PEX5L: variants seen among roughly 807,000 people sequenced by gnomAD.
The protein encoded by PEX5L is PEX5-related protein.
A neutral mutation model predicts 84.0 loss-of-function variants in PEX5L; 30 were observed. The ratio of observed to expected loss-of-function variants is 0.36; its 90% CI spans 0.27 to 0.48. The LOEUF (loss-of-function observed/expected upper bound fraction) is 0.48, where lower values mean the gene tolerates loss of function less well. Among genes scored for constraint, PEX5L ranks in the 20% least tolerant of loss-of-function variants. The pLI is 0.99. For missense variants in PEX5L, 533 were observed against 754.6 expected, an observed-to-expected ratio of 0.71 and a Z score of 3.44; for synonymous variants, 270 against 283.1, an observed-to-expected ratio of 0.95 and a Z score of 0.46.
intron 1 of PEX5L, among the ~76,000 whole-genome samples, chr3:180,025,011 C>T (rs1248708732): frequency 2.0e-5 from 3 of 152,138 alleles, no homozygotes; most frequent in Non-Finnish European, 2.9e-5. Context: ...TCTAAGTCTG[C>T]AGTCCTAAAT....
At chr3:179,878,181 C>G (rs1288889711) in intron 5 of PEX5L, among the ~76,000 whole-genome samples, 3 of 152,188 alleles carry the variant, frequency 2.0e-5, no homozygotes, top group African/African-American at 2.4e-5. Flanking sequence ...TGCCCCTCTT[C>G]CATCTTCTAT....
chr3:179,903,432 G>GC (rs1165464535), intron 2 of PEX5L, among the ~76,000 whole-genome samples: 1 of 152,062 alleles, frequency 6.6e-6, no homozygotes, highest in African/African-American at 2.4e-5. Context: ...GTTTTACTAT[G>GC]CTGCCCAGGC....
intron 8 of PEX5L, among the ~76,000 whole-genome samples, chr3:179,845,039 T>C (rs1738785844): frequency 6.6e-6 from 1 of 152,206 alleles, no homozygotes; most frequent in Non-Finnish European, 1.5e-5. Context: ...AATCGTGTGA[T>C]CTATCTATTT....
chr3:179,803,555 C>A (rs1439955302), intron 14 of PEX5L, among the ~76,000 whole-genome samples: 2 of 152,198 alleles, frequency 1.3e-5, no homozygotes, highest in Admixed American at 1.3e-4. Flanking sequence ...TGGGTCTGCC[C>A]TCTTCAGCAG....
intron 1 of PEX5L, among the ~76,000 whole-genome samples, chr3:179,984,175 T>A (rs934043751): frequency 6.6e-6 from 1 of 152,142 alleles, no homozygotes; most frequent in Admixed American, 6.5e-5. Context: ...AAAATACGAT[T>A]TCCTTTCTCA....
chr3:179,809,088 A>AAG (rs1433083788), intron 12 of PEX5L, among the ~76,000 whole-genome samples: 1 of 151,046 alleles, frequency 6.6e-6, no homozygotes, highest in African/African-American at 2.4e-5. Context: ...AAAAAAAAAA[A>AAG]AAAAAAAAAA....
At chr3:179,887,971 T>G (rs1339432276) in intron 3 of PEX5L, 187 bp from the exon 4 acceptor site, 3 of 675,604 alleles carry the variant, frequency 4.4e-6, no homozygotes, top group Admixed American at 4.8e-5. Context: ...CTTTTAGCAC[T>G]GTCAACATAT....
chr3:180,008,620 A>G lies in PEX5L; in HGVS notation c.21+27959T>C, dbSNP rs142208739. Among the ~76,000 whole-genome samples, 371 of 152,356 alleles carry G rather than the reference A, an allele frequency of 2.4e-3. 10 individuals are homozygous for G. Among genetic ancestry groups the G allele is most frequent in the East Asian group, 0.022 (112 of 5,192 alleles). On this transcript the variant is annotated intron_variant, in intron 1 of 14. Transcript: ENST00000467460. ...GATTTAATTGGACTTACAGTTCCAC[A>G]TGGCTGGGGAGGCCTCAGAATCATG...
At position 179,930,868 on chromosome 3, in the gene PEX5L, G is replaced by A. The variant is rs893963505; in HGVS notation, c.94-32622C>T. On this transcript the variant is annotated intron_variant, in intron 2 of 14. Transcript: ENST00000467460. ...CAAATGTAAATTTTGAGAAAGAAAC[G>A]CTACTATTTAAGCACAGTTTTTTTC... 1.1e-3 allele frequency among the ~76,000 whole-genome samples: 175 copies of A among 152,234 alleles called. 1 individual carries two copies. The highest frequency in any genetic ancestry group is 0.01 in the Middle Eastern group (3 of 294).
chr3:179,924,620 A>G (rs1198326087), intron 2 of PEX5L, among the ~76,000 whole-genome samples: 1 of 152,178 alleles, frequency 6.6e-6, no homozygotes, highest in Non-Finnish European at 1.5e-5. Context: ...GGCAAATTGC[A>G]TGTGCTGTTC....
chr3:180,011,750 C>T (rs1789511035), intron 1 of PEX5L, among the ~76,000 whole-genome samples: 2 of 152,322 alleles, frequency 1.3e-5, no homozygotes, highest in South Asian at 2.1e-4. Flanking sequence ...CCCTCACTCC[C>T]TCTTTCATCC....
intron 2 of PEX5L, among the ~76,000 whole-genome samples, chr3:179,954,795 T>A (rs1445233104): frequency 6.6e-6 from 1 of 151,264 alleles, no homozygotes; most frequent in Non-Finnish European, 1.5e-5. Context: ...ATTTTTTTTT[T>A]ATTTTCATCA....
At chr3:179,923,033 T>C (rs1770122592) in intron 2 of PEX5L, among the ~76,000 whole-genome samples, 1 of 151,870 alleles carries the variant, frequency 6.6e-6, no homozygotes, top group Admixed American at 6.6e-5. Context: ...CTCACGCCTG[T>C]AATCCCAGCA....
chr3:179,925,523 T>A (rs1441484703), intron 2 of PEX5L, among the ~76,000 whole-genome samples: 3 of 152,232 alleles, frequency 2.0e-5, no homozygotes, highest in African/African-American at 7.2e-5. Flanking sequence ...CCTACATCAG[T>A]GCATAAAGAA....
At chr3:179,864,677 T>C (rs1270708331) in intron 7 of PEX5L, among the ~76,000 whole-genome samples, 2 of 152,158 alleles carry the variant, frequency 1.3e-5, no homozygotes, top group Non-Finnish European at 2.9e-5. Context: ...AGAAATTAGA[T>C]TTTAAGTATT....
rs1047900290 is a variant in PEX5L, at chr3:179,797,948, A to T, written c.*3880T>A. 3.9e-5 allele frequency: 6 copies of T among 152,178 alleles called. No individual in the cohort carries two copies. Among genetic ancestry groups the T allele is most frequent in the African/African-American group, 1.4e-4 (6 of 41,448 alleles). 9.4% of individuals were successfully genotyped at this position (152,178 alleles called of 1,614,324 possible). ...GGGAACTGATTCAGGGCAAATGAGG[A>T]AGGGTCTCAGAATGATCAACTTGCT... is the stretch of plus-strand genomic sequence containing the variant. On this transcript the variant is annotated 3_prime_UTR_variant, in exon 15 of 15. Coordinates refer to ENST00000467460, the MANE Select transcript of PEX5L (RefSeq NM_016559.3).
At chr3:179,900,808 T>C (rs1761045195) in intron 2 of PEX5L, 1 of 966,620 alleles carries the variant, frequency 1.0e-6, no homozygotes, top group African/African-American at 1.6e-5. Flanking sequence ...TTTTGGCTTT[T>C]GCGATAATAC....
At chr3:179,802,682 T>C (rs1378733828) in intron 14 of PEX5L, among the ~76,000 whole-genome samples, 1 of 152,198 alleles carries the variant, frequency 6.6e-6, no homozygotes, top group Non-Finnish European at 1.5e-5. Context: ...GAACACTTAA[T>C]GCATTTGCAG....
chr3:179,859,117 A>C lies in PEX5L; in HGVS notation c.767T>G (p.Leu256Arg), dbSNP rs1230369138. The C allele has an allele frequency of 6.2e-7, 1 of 1,613,944 alleles. No individual in the cohort carries two copies. Among genetic ancestry groups the C allele is most frequent in the Non-Finnish European group, 8.5e-7 (1 of 1,179,924 alleles). The change falls in exon 8 of 15, where the codon CTT becomes CGT. Residue 256 changes from leucine to arginine, a missense_variant. By Grantham distance (102) the Leu-to-Arg change is moderately radical. Coordinates refer to ENST00000467460, the MANE Select transcript of PEX5L (RefSeq NM_016559.3). ...TTCTTCTAAGGAGTGGTTTCTAGAAAGTAATGCGCTTCCCCAGCGATGTTC... is the reference window on the plus strand; with the variant it reads ...TTCTTCTAAGGAGTGGTTTCTAGAACGTAATGCGCTTCCCCAGCGATGTTC... ...TKEHRWGSALLSRNHSLEEEF... is the reference protein window; with the variant it reads ...TKEHRWGSALRSRNHSLEEEF...
Sources: gnomAD v4.1 joint callset for allele counts (sites outside exome capture counted in the v4.1 genomes callset) on GRCh38, gnomAD v4.1.1 for gene constraint, MANE v1.5 for transcripts, NCBI Gene and HGNC (gene_info 2026-07-23, HGNC 2026-07-21) for gene names.